The following NIPBL variants were observed in gnomAD, a reference collection of about 807,000 sequenced individuals.
The protein encoded by NIPBL is nipped-B-like protein.
A neutral mutation model predicts 321.8 loss-of-function variants in NIPBL; 19 were observed. The observed-to-expected ratio is 0.06, with a 90% CI of 0.04 to 0.09. The LOEUF (loss-of-function observed/expected upper bound fraction) is 0.09. Ranked by LOEUF, NIPBL falls within the 10% of genes least tolerant of loss-of-function variation. The probability of loss-of-function intolerance (pLI) is 1.00; values close to 1 mark genes in which losing one functional copy is unlikely to be tolerated. For missense variants in NIPBL, 2,210 were observed against 3,327.0 expected, an observed-to-expected ratio of 0.66 and a Z score of 8.26; for synonymous variants, 1,106 against 1,114.1, an observed-to-expected ratio of 0.99 and a Z score of 0.14.
intron 1 of NIPBL, among the ~76,000 whole-genome samples, chr5:36,916,953 A>G (rs903257121): frequency 1.2e-4 from 18 of 152,194 alleles, no homozygotes; most frequent in African/African-American, 2.7e-4. Flanking sequence ...TAGTGCCGCA[A>G]TAAACATACG....
At chr5:36,991,450 C>A (rs1344605653) in intron 10 of NIPBL, among the ~76,000 whole-genome samples, 1 of 151,960 alleles carries the variant, frequency 6.6e-6, no homozygotes, top group Non-Finnish European at 1.5e-5. Context: ...TTTTATGTAT[C>A]TGTACTTTAT....
intron 16 of NIPBL, among the ~76,000 whole-genome samples, chr5:37,005,091 C>T (rs756529917): frequency 4.6e-5 from 7 of 152,162 alleles, no homozygotes; most frequent in Admixed American, 4.6e-4. Flanking sequence ...TCTTTTTACG[C>T]TCATCAGCTA....
At chr5:37,037,643 T>C (rs79678136) in intron 33 of NIPBL, among the ~76,000 whole-genome samples, 2 of 149,742 alleles carry the variant, frequency 1.3e-5, no homozygotes, top group African/African-American at 4.9e-5. Context: ...TTTTTTTTTT[T>C]CCATGTGTAC....
chr5:37,031,660 C>G (rs978281560), intron 32 of NIPBL, among the ~76,000 whole-genome samples: 11 of 152,092 alleles, frequency 7.2e-5, no homozygotes, highest in African/African-American at 2.7e-4. Context: ...CCTTTGTAAT[C>G]CAGAGCAAGA....
At position 36,985,369 on chromosome 5, in the gene NIPBL, A is replaced by G. The variant is rs767341646; in HGVS notation, c.2189A>G (p.Asp730Gly). 6.2e-6 allele frequency: 10 copies of G among 1,613,794 alleles called. No homozygotes were observed. The highest frequency in any genetic ancestry group is 5.5e-5 in the South Asian group (5 of 91,078). ...GHPETPKQKG[D>G]GRPETPKQKG... ...CCTGAAACCCCAAAACAGAAGGGTG[A>G]TGGAAGGCCTGAAACTCCAAAGCAA... The change falls in exon 10 of 47, where the codon GAT becomes GGT. Residue 730 changes from aspartate (D) to glycine (G), a missense_variant. By Grantham distance (94) the Asp-to-Gly change is moderately conservative. Transcript: ENST00000282516.
At chr5:37,058,247 C>T (rs936952765) in intron 43 of NIPBL, among the ~76,000 whole-genome samples, 3 of 152,166 alleles carry the variant, frequency 2.0e-5, no homozygotes, top group Non-Finnish European at 4.4e-5. Flanking sequence ...TTAATAATTT[C>T]CCAGGAGCTT....
chr5:36,985,697 G>T lies in NIPBL; in HGVS notation c.2517G>T (p.Arg839Ser). The change falls in exon 10 of 47, where the codon AGG (arginine) becomes AGT (serine). Residue 839 changes from arginine (R) to serine (S), a missense_variant. This residue lies in a region of NIPBL where 588 missense variants were observed against 564.1 expected (regional missense o/e 1.04). Coordinates refer to ENST00000282516, the MANE Select transcript of NIPBL (RefSeq NM_133433.4). ...ESERHRGDQS[R>S]VRRPETLRSS... ...AGCGACATCGAGGGGATCAGTCTAG[G>T]GTTCGAAGACCAGAAACATTGAGAT... 6.2e-7 allele frequency: 1 copy of T among 1,613,758 alleles called. No homozygotes were observed. The highest frequency in any genetic ancestry group is 1.1e-5 in the South Asian group (1 of 91,062).
chr5:37,041,870 ATT>A (rs70976272), intron 34 of NIPBL, among the ~76,000 whole-genome samples: 6 of 145,526 alleles, frequency 4.1e-5, no homozygotes, highest in Non-Finnish European at 7.6e-5. Context: ...CAGCCACTAC[ATT>A]TTTTTTTTTT....
At position 37,027,419 on chromosome 5, in the gene NIPBL, GTTC is replaced by G; in HGVS notation, c.5862+10_5862+12del. The G allele has an allele frequency of 6.2e-7, 1 of 1,607,164 alleles. No homozygotes were observed. The highest frequency in any genetic ancestry group is 8.5e-7 in the Non-Finnish European group (1 of 1,175,294). On this transcript the variant is annotated splice_region_variant and intron_variant, in intron 32 of 46. Transcript: ENST00000282516. ...TGAGCAACTGCTTCAAAACGTGAGTGTTCTTTTGACTCCTGATAACCTAAAATT... is the reference window on the plus strand; with the variant it reads ...TGAGCAACTGCTTCAAAACGTGAGTGTTTTGACTCCTGATAACCTAAAATT...
At chr5:37,027,474 GTTTT>G in intron 32 of NIPBL, 62 bp downstream of exon 32, 3 of 935,128 alleles carry the variant, frequency 3.2e-6, no homozygotes, top group African/African-American at 1.8e-5. Flanking sequence ...TGTTGTTGGT[GTTTT>G]TTTTTTTTTG....
intron 45 of NIPBL, among the ~76,000 whole-genome samples, chr5:37,063,183 A>T (rs1189544103): frequency 6.6e-6 from 1 of 152,156 alleles, no homozygotes; most frequent in Non-Finnish European, 1.5e-5. Flanking sequence ...TATTTTTCTT[A>T]AAAAAATTTT....
At chr5:36,960,839 A>G (rs1741533961) in intron 4 of NIPBL, among the ~76,000 whole-genome samples, 1 of 152,234 alleles carries the variant, frequency 6.6e-6, no homozygotes, top group Non-Finnish European at 1.5e-5. Context: ...TAGCTTGGAA[A>G]TAAATGTAAG....
intron 11 of NIPBL, among the ~76,000 whole-genome samples, chr5:36,998,484 T>C (rs1746405490): frequency 6.6e-6 from 1 of 152,162 alleles, no homozygotes; most frequent in South Asian, 2.1e-4. Context: ...TTAATTAAAA[T>C]GTACAAAGAC....
intron 1 of NIPBL, among the ~76,000 whole-genome samples, chr5:36,933,176 T>A (rs1385674487): frequency 2.0e-5 from 3 of 152,140 alleles, no homozygotes; most frequent in Non-Finnish European, 2.9e-5. Context: ...TACTGTTTTT[T>A]AAAAATGTAC....
At chr5:36,894,994 A>G (rs574398155) in intron 1 of NIPBL, among the ~76,000 whole-genome samples, 1 of 152,296 alleles carries the variant, frequency 6.6e-6, no homozygotes, top group Non-Finnish European at 1.5e-5. Flanking sequence ...GGTTTGGAAA[A>G]TATCTCACAC....
chr5:36,893,994 A>C (rs1746539672), intron 1 of NIPBL, among the ~76,000 whole-genome samples: 1 of 152,202 alleles, frequency 6.6e-6, no homozygotes. Context: ...ATATTTTAAA[A>C]GTTTGCTCAA....
At chr5:37,012,803 A>T (rs1318002072) in intron 21 of NIPBL, among the ~76,000 whole-genome samples, 1 of 152,184 alleles carries the variant, frequency 6.6e-6, no homozygotes, top group Admixed American at 6.5e-5. Flanking sequence ...GATCAACAGG[A>T]TCCCAAGGCA....
Position 36,889,136 on chromosome 5 carries a change from C to A in NIPBL, c.-80+11958C>A, listed in dbSNP as rs181489651. On this transcript the variant is annotated intron_variant, in intron 1 of 46. Transcript: ENST00000282516. ...TTAGAGTGACAGAAGATGGGTGGGG[C>A]TTGCTAAATACTGAGCAAGTTTTAT... Among the ~76,000 whole-genome samples, 354 of 152,146 alleles carry A rather than the reference C, an allele frequency of 2.3e-3. 2 individuals carry two copies. The highest frequency in any genetic ancestry group is 0.014 in the Middle Eastern group (4 of 294).
At chr5:36,884,078 A>C (rs934964567) in intron 1 of NIPBL, among the ~76,000 whole-genome samples, 1 of 152,048 alleles carries the variant, frequency 6.6e-6, no homozygotes, top group Non-Finnish European at 1.5e-5. Flanking sequence ...CGTTACCTTC[A>C]AGTTATCCTG....
Sources: allele counts gnomAD v4.1 joint callset (sites outside exome capture counted in the v4.1 genomes callset), GRCh38; gene constraint gnomAD v4.1.1; regional missense constraint gnomAD v4.1.1; transcripts MANE v1.5; gene names NCBI Gene and HGNC (gene_info 2026-07-23, HGNC 2026-07-21).